The following PGM5 variants were observed in gnomAD, a reference collection of about 807,000 sequenced individuals.
PGM5 encodes phosphoglucomutase-like protein 5.
In PGM5, 23 loss-of-function variants were observed where a neutral mutation model predicts 59.2. That is an observed-to-expected ratio of 0.39 (90% CI 0.28 to 0.55). The LOEUF (loss-of-function observed/expected upper bound fraction) is 0.55. PGM5 is among the 20% of genes least tolerant of loss of function. PGM5 has a pLI of 0.66. For missense variants in PGM5, 574 were observed against 748.3 expected (o/e 0.77, Z 2.72); for synonymous variants, 214 against 286.0 (o/e 0.75, Z 2.54).
intron 8 of PGM5, among the ~76,000 whole-genome samples, chr9:68,482,601 T>TCCTTCTTCCAGAGTTC (rs1241681792): frequency 6.6e-6 from 1 of 152,198 alleles, no homozygotes; most frequent in Non-Finnish European, 1.5e-5. Flanking sequence ...TTCTTCCAGT[T>TCCTTCTTCCAGAGTTC]CACTCTGAGA....
At chr9:68,367,739 G>A (rs391171) in intron 1 of PGM5, among the ~76,000 whole-genome samples, 2,010 of 151,616 alleles carry the variant, frequency 0.013, 60 homozygotes, top group African/African-American at 0.046. Flanking sequence ...AACATAGTAT[G>A]GGGGCAGGGG....
intron 6 of PGM5, among the ~76,000 whole-genome samples, chr9:68,463,916 A>G (rs887421799): frequency 4.6e-5 from 7 of 152,196 alleles, no homozygotes; most frequent in African/African-American, 1.4e-4. Flanking sequence ...ACCATAAGTC[A>G]TAGGAGCTCC....
intron 6 of PGM5, among the ~76,000 whole-genome samples, chr9:68,440,124 T>C (rs1422891380): frequency 6.6e-6 from 1 of 152,208 alleles, no homozygotes; most frequent in Non-Finnish European, 1.5e-5. Context: ...ATAATTATAG[T>C]TGAAGACATC....
intron 6 of PGM5, among the ~76,000 whole-genome samples, chr9:68,402,987 AG>A (rs1416755379): frequency 6.6e-6 from 1 of 152,202 alleles, no homozygotes; most frequent in Non-Finnish European, 1.5e-5. Flanking sequence ...AGGGAAAGAT[AG>A]TATCTAAGAT....
chr9:68,478,800 T>C (rs1554686872), intron 7 of PGM5, among the ~76,000 whole-genome samples: 1 of 152,238 alleles, frequency 6.6e-6, no homozygotes. Context: ...TCAAGATTCC[T>C]AACTTAATTG....
At chr9:68,414,223 C>T (rs571493523) in intron 6 of PGM5, among the ~76,000 whole-genome samples, 8 of 152,236 alleles carry the variant, frequency 5.3e-5, no homozygotes, top group East Asian at 1.9e-4. Context: ...CCGTATAGCC[C>T]GCAGAACCAT....
intron 6 of PGM5, among the ~76,000 whole-genome samples, chr9:68,441,511 G>A (rs1182912990): frequency 6.6e-6 from 1 of 152,032 alleles, no homozygotes; most frequent in African/African-American, 2.4e-5. Context: ...AGTTTAAGGA[G>A]AAAGACCACA....
At chr9:68,413,212 T>C (rs1822964802) in intron 6 of PGM5, among the ~76,000 whole-genome samples, 1 of 152,206 alleles carries the variant, frequency 6.6e-6, no homozygotes, top group Admixed American at 6.5e-5. Context: ...TTTCTTTCTA[T>C]GTCTTTCTCT....
In PGM5 at chr9:68,464,786, TCC is replaced by T. The variant is rs1823907772; in HGVS notation, c.1044-304_1044-303del. 3.3e-5 allele frequency among the ~76,000 whole-genome samples: 5 copies of T among 152,156 alleles called. No homozygotes were observed. In the South Asian group the frequency reaches 1.0e-3, roughly 32 times the overall value. On this transcript the variant is annotated intron_variant, in intron 6 of 10. Transcript: ENST00000396396. ...TACCCTCTTAATTTAGATTCTGATA[TCC>T]CCACATGGACTCTTTCCAAAAAGAT...
At chr9:68,488,176 G>T (rs1824328461) in intron 9 of PGM5, among the ~76,000 whole-genome samples, 1 of 152,142 alleles carries the variant, frequency 6.6e-6, no homozygotes, top group Non-Finnish European at 1.5e-5. Flanking sequence ...GTCACATAAA[G>T]ATTTGAGAAG....
At chr9:68,438,286 C>CAAAAAAAA (rs34047393) in intron 6 of PGM5, among the ~76,000 whole-genome samples, 3 of 34,812 alleles carry the variant, frequency 8.6e-5, no homozygotes, top group African/African-American at 1.8e-4. Flanking sequence ...GAGACTCTGT[C>CAAAAAAAA]AAAAAAAAAA....
intron 7 of PGM5, among the ~76,000 whole-genome samples, chr9:68,475,184 ATTTTT>A (rs782687667): frequency 9.8e-5 from 11 of 112,780 alleles, no homozygotes; most frequent in African/African-American, 4.1e-4. Context: ...TGCCTGGCTA[ATTTTT>A]TTTTTTTTTT....
intron 5 of PGM5, 123 bp downstream of exon 5, chr9:68,391,847 C>T: frequency 1.1e-5 from 10 of 928,172 alleles, no homozygotes; most frequent in Non-Finnish European, 1.6e-5. Flanking sequence ...CCCTAACTGG[C>T]TCTGCATCTG....
intron 6 of PGM5, among the ~76,000 whole-genome samples, chr9:68,453,111 T>C (rs780478959): frequency 5.3e-5 from 8 of 152,228 alleles, no homozygotes; most frequent in African/African-American, 1.7e-4. Flanking sequence ...GAGAAATGTA[T>C]ACTCTACCCT....
chr9:68,379,468 T>C (rs1327212706), intron 2 of PGM5, among the ~76,000 whole-genome samples: 1 of 152,106 alleles, frequency 6.6e-6, no homozygotes, highest in Admixed American at 6.5e-5. Flanking sequence ...TAAAAAACAA[T>C]ATTGTAACCA....
chr9:68,423,103 G>A (rs1211297751), intron 6 of PGM5, among the ~76,000 whole-genome samples: 7 of 152,068 alleles, frequency 4.6e-5, no homozygotes, highest in African/African-American at 1.7e-4. Context: ...ATATACCACA[G>A]TTTCTTTATC....
chr9:68,376,813 C>CT lies in PGM5; in HGVS notation c.262-1383dup, dbSNP rs1208053338. 2.8e-5 allele frequency among the ~76,000 whole-genome samples: 3 copies of CT among 107,820 alleles called. No individual in the cohort carries two copies. In the East Asian group the frequency reaches 7.3e-4, roughly 26 times the overall value. The allele number at this position is 107,820 out of a possible 152,430, so 70.7% of individuals were successfully genotyped here. A position where few individuals can be genotyped will look rare whatever the true frequency, so the allele number is the denominator to read the frequency against. ...TCTTTCTTTCTTTCTTTCTTTCTTT[C>CT]TTTCTTTCTTTCTTTCTTTCTCTTT... is the stretch of plus-strand genomic sequence containing the variant. On this transcript the variant is annotated intron_variant, in intron 1 of 10. Transcript: ENST00000396396.
chr9:68,430,350 T>A (rs1823324584), intron 6 of PGM5, among the ~76,000 whole-genome samples: 1 of 152,266 alleles, frequency 6.6e-6, no homozygotes, highest in Non-Finnish European at 1.5e-5. Context: ...CTGGGTCTCA[T>A]GGAGAGCGAA....
intron 1 of PGM5, among the ~76,000 whole-genome samples, chr9:68,373,085 G>T (rs1347231122): frequency 6.7e-6 from 1 of 149,512 alleles, no homozygotes; most frequent in African/African-American, 2.5e-5. Context: ...AGGAATGGCT[G>T]GGGGAAAGCC....
Sources: gnomAD v4.1 joint callset for allele counts (sites outside exome capture counted in the v4.1 genomes callset) on GRCh38, gnomAD v4.1.1 for gene constraint, MANE v1.5 for transcripts, NCBI Gene and HGNC (gene_info 2026-07-23, HGNC 2026-07-21) for gene names.